FBXL7: variants seen among roughly 807,000 people sequenced by gnomAD.
The protein encoded by FBXL7 is F-box and leucine rich repeat protein 7.
A neutral mutation model predicts 38.3 loss-of-function variants in FBXL7; 12 were observed. The ratio of observed to expected loss-of-function variants is 0.31; its 90% confidence interval spans 0.20 to 0.51. The LOEUF is 0.51. Ranked by LOEUF, FBXL7 falls within the 20% of genes least tolerant of loss-of-function variation. FBXL7 has a pLI of 0.98. For synonymous variants in FBXL7, 297 were observed against 300.9 expected, an observed-to-expected ratio of 0.99 and a Z score of 0.13; for missense variants, 567 against 676.4, an observed-to-expected ratio of 0.84 and a Z score of 1.79.
intron 1 of FBXL7, among the ~76,000 whole-genome samples, chr5:15,573,079 T>C (rs938794895): frequency 1.3e-5 from 2 of 152,218 alleles, no homozygotes; most frequent in African/African-American, 4.8e-5. Flanking sequence ...CCCAAAATTG[T>C]GTCCTGCAGT....
At chr5:15,593,737 G>GT (rs1361540136) in intron 1 of FBXL7, among the ~76,000 whole-genome samples, 6 of 152,070 alleles carry the variant, frequency 3.9e-5, no homozygotes, top group African/African-American at 1.4e-4. Context: ...CCTTTTTGGA[G>GT]TTGGTGAATT....
At chr5:15,803,577 T>C (rs1252842924) in intron 2 of FBXL7, among the ~76,000 whole-genome samples, 1 of 150,734 alleles carries the variant, frequency 6.6e-6, no homozygotes, top group Non-Finnish European at 1.5e-5. Flanking sequence ...CTCCCTTCTT[T>C]TCTTCCCTAT....
At chr5:15,521,355 TAGC>T (rs1311272452) in intron 1 of FBXL7, among the ~76,000 whole-genome samples, 3 of 152,242 alleles carry the variant, frequency 2.0e-5, no homozygotes, top group African/African-American at 4.8e-5. Context: ...GTTTCACACA[TAGC>T]AGAGTTCTCA....
chr5:15,625,105 A>G (rs1400799069), intron 2 of FBXL7, among the ~76,000 whole-genome samples: 1 of 152,100 alleles, frequency 6.6e-6, no homozygotes, highest in Non-Finnish European at 1.5e-5. Context: ...TTTATAAATT[A>G]CCTGGCCTCA....
chr5:15,723,269 C>T (rs1342016103), intron 2 of FBXL7, among the ~76,000 whole-genome samples: 1 of 152,096 alleles, frequency 6.6e-6, no homozygotes, highest in African/African-American at 2.4e-5. Context: ...TTGTCAGAGA[C>T]GTTAGTAATT....
At chr5:15,732,222 T>C (rs945812786) in intron 2 of FBXL7, among the ~76,000 whole-genome samples, 3 of 152,240 alleles carry the variant, frequency 2.0e-5, no homozygotes, top group Non-Finnish European at 4.4e-5. Context: ...CTTTCTGTCC[T>C]CAAATTACTG....
At chr5:15,688,463 AC>A (rs1470463771) in intron 2 of FBXL7, among the ~76,000 whole-genome samples, 1 of 151,680 alleles carries the variant, frequency 6.6e-6, no homozygotes, top group African/African-American at 2.4e-5. Context: ...AGTAACTCAG[AC>A]CATTCACTTA....
chr5:15,701,890 T>G (rs1333064171), intron 2 of FBXL7, among the ~76,000 whole-genome samples: 1 of 152,200 alleles, frequency 6.6e-6, no homozygotes, highest in Non-Finnish European at 1.5e-5. Context: ...AAGTACATGA[T>G]TCTTGCCTTA....
Position 15,937,029 on chromosome 5 carries a change from G to A in FBXL7, c.1319G>A (p.Ser440Asn). Reference sequence around the variant, plus strand: ...CGGCTCAGCCTCAAGTCCTGCGAGAGCATCACCGGCCAGGGCTTGCAGATC... The same window carrying A: ...CGGCTCAGCCTCAAGTCCTGCGAGAACATCACCGGCCAGGGCTTGCAGATC... The part of the protein sequence containing the change: ...LKRLSLKSCE[S>N]ITGQGLQIVA... The change falls in exon 4 of 4, where the codon AGC becomes AAC. Residue 440 changes from serine (S) to asparagine (N), a missense_variant. By Grantham distance (46) the Ser-to-Asn change is conservative (BLOSUM62 1). Transcript: ENST00000504595. 1.9e-6 allele frequency: 3 copies of A among 1,614,016 alleles called. No individual in the cohort carries two copies. Among genetic ancestry groups the A allele is most frequent in the Non-Finnish European group, 2.5e-6 (3 of 1,179,898 alleles).
At chr5:15,756,533 A>G (rs559110585) in intron 2 of FBXL7, among the ~76,000 whole-genome samples, 6 of 152,288 alleles carry the variant, frequency 3.9e-5, no homozygotes, top group African/African-American at 1.4e-4. Context: ...TGCAGCCTAA[A>G]TGGTCATGAA....
chr5:15,522,355 T>G (rs1737121360), intron 1 of FBXL7, among the ~76,000 whole-genome samples: 1 of 152,170 alleles, frequency 6.6e-6, no homozygotes, highest in Admixed American at 6.5e-5. Context: ...GTGTGCCCAG[T>G]TTGGTTTATT....
intron 2 of FBXL7, among the ~76,000 whole-genome samples, chr5:15,634,313 CTT>C (rs57823645): frequency 0.17 from 19,619 of 112,260 alleles, 1,783 homozygotes; most frequent in African/African-American, 0.28. Flanking sequence ...ATGTTCGTTT[CTT>C]TTTTTTTTTT....
intron 1 of FBXL7, among the ~76,000 whole-genome samples, chr5:15,529,744 T>C (rs932023365): frequency 6.6e-6 from 1 of 152,216 alleles, no homozygotes; most frequent in Admixed American, 6.5e-5. Context: ...ATCTTTCTTT[T>C]ATGTTTTTAT....
At chr5:15,640,659 G>A (rs1369390283) in intron 2 of FBXL7, among the ~76,000 whole-genome samples, 2 of 152,016 alleles carry the variant, frequency 1.3e-5, no homozygotes, top group Non-Finnish European at 2.9e-5. Flanking sequence ...GAGTAGCTGG[G>A]ATTACAGGTG....
At chr5:15,511,005 C>T (rs1413614735) in intron 1 of FBXL7, among the ~76,000 whole-genome samples, 2 of 152,146 alleles carry the variant, frequency 1.3e-5, no homozygotes, top group African/African-American at 2.4e-5. Flanking sequence ...GAGACCATGC[C>T]CCTCCTCACC....
chr5:15,882,449 G>C (rs1213934134), intron 2 of FBXL7, among the ~76,000 whole-genome samples: 1 of 152,158 alleles, frequency 6.6e-6, no homozygotes, highest in Non-Finnish European at 1.5e-5. Flanking sequence ...TGGGGTTGTA[G>C]AGCTTTCTCT....
intron 2 of FBXL7, among the ~76,000 whole-genome samples, chr5:15,897,415 G>T (rs1434316709): frequency 6.6e-6 from 1 of 152,188 alleles, no homozygotes; most frequent in Non-Finnish European, 1.5e-5. Context: ...ATCAGGGCAT[G>T]CATGATCATG....
chr5:15,715,515 A>G (rs1225743077), intron 2 of FBXL7, among the ~76,000 whole-genome samples: 1 of 146,386 alleles, frequency 6.8e-6, no homozygotes, highest in Non-Finnish European at 1.5e-5. Context: ...AAAAAAAAGT[A>G]GAGACCAAGG....
intron 2 of FBXL7, among the ~76,000 whole-genome samples, chr5:15,882,710 C>T (rs1202682786): frequency 6.6e-6 from 1 of 152,134 alleles, no homozygotes; most frequent in Non-Finnish European, 1.5e-5. Flanking sequence ...TTCTCAATCT[C>T]CTTTGGAAGA....
Sources: allele counts gnomAD v4.1 joint callset (sites outside exome capture counted in the v4.1 genomes callset), GRCh38; gene constraint gnomAD v4.1.1; transcripts MANE v1.5; gene names NCBI Gene and HGNC (gene_info 2026-07-23, HGNC 2026-07-21).